Variants in QPRT observed in about 807,000 individuals in gnomAD.
The protein encoded by QPRT is quinolinate phosphoribosyltransferase, also known as nicotinate-nucleotide pyrophosphorylase [carboxylating].
QPRT carries 17 observed loss-of-function variants against 19.8 expected under a neutral mutation model. The ratio of observed to expected loss-of-function variants is 0.86; its 90% CI spans 0.59 to 1.29. QPRT has a LOEUF of 1.29. Among genes scored for constraint, QPRT ranks in the 50% most tolerant of loss-of-function variants. QPRT has a pLI of 0.00. For synonymous variants in QPRT, 178 were observed against 191.0 expected (o/e 0.93, Z 0.56); for missense variants, 336 against 405.1 (o/e 0.83, Z 1.46).
intron 1 of QPRT, among the ~76,000 whole-genome samples, chr16:29,689,534 G>A (rs986494401): frequency 2.6e-5 from 4 of 152,076 alleles, no homozygotes; most frequent in Non-Finnish European, 5.9e-5. Flanking sequence ...ATCCTCTTGA[G>A]GGAAGAGAGA....
intron 1 of QPRT, among the ~76,000 whole-genome samples, chr16:29,691,141 G>T (rs1967314969): frequency 6.6e-6 from 1 of 151,664 alleles, no homozygotes; most frequent in African/African-American, 2.4e-5. Context: ...AAGGCGGGAG[G>T]ATCACCTGAG....
At chr16:29,688,500 A>G (rs1263333979) in intron 1 of QPRT, among the ~76,000 whole-genome samples, 2 of 151,704 alleles carry the variant, frequency 1.3e-5, no homozygotes, top group African/African-American at 2.4e-5. Context: ...GAGCCCATCA[A>G]AGTTACTTTA....
intron 1 of QPRT, among the ~76,000 whole-genome samples, chr16:29,691,783 T>C (rs1967342995): frequency 6.6e-6 from 1 of 151,778 alleles, no homozygotes; most frequent in Non-Finnish European, 1.5e-5. Flanking sequence ...TAGCTCTTAG[T>C]GGAGGGACAG....
At chr16:29,680,739 G>A (rs188369431) in intron 1 of QPRT, among the ~76,000 whole-genome samples, 1 of 152,216 alleles carries the variant, frequency 6.6e-6, no homozygotes, top group African/African-American at 2.4e-5. Context: ...TCAGGTGTTT[G>A]AGACCAGCCT....
Position 29,694,713 on chromosome 16 carries a change from C to T in QPRT, c.63C>T (p.Ser21=). The T allele has an allele frequency of 6.4e-7, 1 of 1,574,492 alleles. No homozygotes were observed. Among genetic ancestry groups the T allele is most frequent in the Non-Finnish European group, 8.6e-7 (1 of 1,157,638 alleles). ...TCACCCTGGCAGCCCTGGTGGACAG[C>T]TGGCTCCGAGAGGACTGCCCAGGGC... is the stretch of plus-strand genomic sequence containing the variant. ...PPVTLAALVD[S]WLREDCPGLN... The change falls in exon 2 of 4, where the codon AGC becomes AGT. Residue 21 remains serine, a synonymous_variant. Coordinates refer to ENST00000395384, the MANE Select transcript of QPRT (RefSeq NM_014298.6).
At chr16:29,680,568 G>A (rs994766220) in intron 1 of QPRT, among the ~76,000 whole-genome samples, 3 of 152,172 alleles carry the variant, frequency 2.0e-5, no homozygotes, top group Admixed American at 6.5e-5. Flanking sequence ...GGCTCCACCA[G>A]GGATGGGGCT....
At chr16:29,691,122 T>C (rs1481039299) in intron 1 of QPRT, among the ~76,000 whole-genome samples, 1 of 149,714 alleles carries the variant, frequency 6.7e-6, no homozygotes, top group Non-Finnish European at 1.5e-5. Flanking sequence ...CCCAGCACTT[T>C]GGGAGGCCAA....
At chr16:29,690,218 T>TA (rs1967285650) in intron 1 of QPRT, among the ~76,000 whole-genome samples, 3 of 152,342 alleles carry the variant, frequency 2.0e-5, no homozygotes, top group Admixed American at 2.0e-4. Context: ...CATTCTTTTT[T>TA]GTGGCTGCAT....
intron 1 of QPRT, among the ~76,000 whole-genome samples, chr16:29,689,707 T>G (rs554837466): frequency 1.3e-5 from 2 of 152,230 alleles, no homozygotes; most frequent in South Asian, 4.1e-4. Flanking sequence ...ACCCCTGACC[T>G]AGCAACTGTT....
At chr16:29,680,971 T>C (rs1966983831) in intron 1 of QPRT, among the ~76,000 whole-genome samples, 1 of 151,748 alleles carries the variant, frequency 6.6e-6, no homozygotes, top group Admixed American at 6.6e-5. Context: ...AGTTCCCTGC[T>C]CAGAAGGTTG....
At position 29,695,104 on chromosome 16, in the gene QPRT, C is replaced by T. The variant is rs1165950623; in HGVS notation, c.454C>T (p.Leu152Phe). Reference protein sequence around the residue: ...PGFRLVEKYGLLVGGAASHRY... With the variant: ...PGFRLVEKYGFLVGGAASHRY... ...CTTCCGGCTGGTGGAGAAGTATGGGCTCCTGGTGGGCGGGGCCGCCTCGCA... is the reference window on the plus strand; with the variant it reads ...CTTCCGGCTGGTGGAGAAGTATGGGTTCCTGGTGGGCGGGGCCGCCTCGCA... The change falls in exon 2 of 4, where the codon CTC becomes TTC. Residue 152 changes from leucine (L) to phenylalanine (F), a missense_variant. Coordinates refer to ENST00000395384, the MANE Select transcript of QPRT (RefSeq NM_014298.6). The T allele has an allele frequency of 1.2e-6, 2 of 1,601,992 alleles. No homozygotes were observed. Among genetic ancestry groups the T allele is most frequent in the African/African-American group, 1.3e-5 (1 of 74,904 alleles).
intron 1 of QPRT, among the ~76,000 whole-genome samples, chr16:29,691,159 G>A (rs1264745884): frequency 6.6e-6 from 1 of 151,766 alleles, no homozygotes; most frequent in African/African-American, 2.4e-5. Flanking sequence ...GAGGTCAGGA[G>A]TTTGAGAGCA....
At chr16:29,681,725 CTTTT>C (rs78056788) in intron 1 of QPRT, among the ~76,000 whole-genome samples, 1 of 87,082 alleles carries the variant, frequency 1.1e-5, no homozygotes. Flanking sequence ...GATCCAGATT[CTTTT>C]TTTTTTTTTT....
In QPRT at chr16:29,694,716, G is replaced by A. The variant is rs1297233507; in HGVS notation, c.66G>A (p.Trp22Ter). 1 of 1,578,480 alleles carries A rather than the reference G, an allele frequency of 6.3e-7. No individual in the cohort carries two copies. Among genetic ancestry groups the A allele is most frequent in the African/African-American group, 1.3e-5 (1 of 74,260 alleles). ...CCCTGGCAGCCCTGGTGGACAGCTG[G>A]CTCCGAGAGGACTGCCCAGGGCTCA... ...PVTLAALVDS[W>*]LREDCPGLNY... The change falls in exon 2 of 4, where the codon TGG (tryptophan) becomes TGA (stop). Residue 22 changes from tryptophan to a stop codon, truncating the protein, a stop_gained. Transcript: ENST00000395384. LOFTEE classifies it high-confidence loss of function.
At chr16:29,695,484 C>CTTTTTTTTTTTT (rs962384967) in intron 2 of QPRT, among the ~76,000 whole-genome samples, 2 of 93,616 alleles carry the variant, frequency 2.1e-5, no homozygotes, top group Non-Finnish European at 4.1e-5. Flanking sequence ...CTAATTTTTG[C>CTTTTTTTTTTTT]TTTTTTTTTT....
chr16:29,684,054 T>C (rs1430097851), intron 1 of QPRT, among the ~76,000 whole-genome samples: 1 of 152,154 alleles, frequency 6.6e-6, no homozygotes, highest in African/African-American at 2.4e-5. Context: ...AACCCTCTTC[T>C]CCTTCCCAGG....
chr16:29,692,431 A>C (rs1027257323), intron 1 of QPRT, among the ~76,000 whole-genome samples: 1 of 151,882 alleles, frequency 6.6e-6, no homozygotes, highest in Non-Finnish European at 1.5e-5. Flanking sequence ...ACACAAAAAA[A>C]TTAGCCAGGC....
At chr16:29,688,720 A>G (rs1382740720) in intron 1 of QPRT, among the ~76,000 whole-genome samples, 1 of 150,130 alleles carries the variant, frequency 6.7e-6, no homozygotes, top group Non-Finnish European at 1.5e-5. Flanking sequence ...GGGTTTTGCC[A>G]TGTTGGACAG....
chr16:29,692,966 C>G lies in QPRT; in HGVS notation c.14-1698C>G, dbSNP rs1330055027. Among the ~76,000 whole-genome samples, 3 of 151,500 alleles carry G rather than the reference C, an allele frequency of 2.0e-5. No homozygotes were observed. In the East Asian group the frequency reaches 5.9e-4, roughly 30 times the overall value. On this transcript the variant is annotated intron_variant, in intron 1 of 3. Transcript: ENST00000395384. Reference sequence around the variant, plus strand: ...ACCCCAGCCACTCGGGAGGCTGAGGCAGGCGAATCGCTTGAATCCGGAAGG... The same window carrying G: ...ACCCCAGCCACTCGGGAGGCTGAGGGAGGCGAATCGCTTGAATCCGGAAGG...
Sources: gnomAD v4.1 joint callset for allele counts (sites outside exome capture counted in the v4.1 genomes callset) on GRCh38, gnomAD v4.1.1 for gene constraint, MANE v1.5 for transcripts, NCBI Gene and HGNC (gene_info 2026-07-23, HGNC 2026-07-21) for gene names.